Variants in DMD observed in about 807,000 individuals in gnomAD.
The protein encoded by DMD is dystrophin.
A neutral mutation model predicts 330.1 loss-of-function variants in DMD; 63 were observed. The observed-to-expected ratio is 0.19, with a 90% CI of 0.16 to 0.24. The LOEUF (loss-of-function observed/expected upper bound fraction) is 0.24, where lower values mean the gene tolerates loss of function less well. DMD is among the 10% of genes least tolerant of loss of function. The pLI is 1.00. For synonymous variants in DMD, 1,223 were observed against 959.8 expected (o/e 1.27, Z -5.07); for missense variants, 3,344 against 2,684.1 (o/e 1.25, Z -5.43).
chrX:31,721,955 C>T (rs973768163), intron 52 of DMD, among the ~76,000 whole-genome samples: 3 of 108,460 alleles, frequency 2.8e-5, no homozygotes, highest in Non-Finnish European at 5.7e-5. Context: ...TTTTAATCCA[C>T]TTAATTATTC....
At chrX:32,644,928 A>G in intron 10 of DMD, 36 bp downstream of exon 10, 2 of 1,189,555 alleles carry the variant, frequency 1.7e-6, no homozygotes, top group South Asian at 1.8e-5. Flanking sequence ...ATAACAAGTC[A>G]TATGTTTTGT....
At chrX:32,559,696 T>G (rs773152225) in intron 16 of DMD, among the ~76,000 whole-genome samples, 1 of 111,878 alleles carries the variant, frequency 8.9e-6, no homozygotes, top group Non-Finnish European at 1.9e-5. Context: ...TAAAGAAATT[T>G]TCATCTTGGT....
At chrX:32,894,587 G>T (rs191116016) in intron 2 of DMD, among the ~76,000 whole-genome samples, 22 of 112,605 alleles carry the variant, frequency 2.0e-4, no homozygotes, top group African/African-American at 6.1e-4. Flanking sequence ...GCCTCAATCC[G>T]CTGTATGTAT....
chrX:32,805,846 G>A (rs1033977092), intron 7 of DMD, among the ~76,000 whole-genome samples: 6 of 111,742 alleles, frequency 5.4e-5, no homozygotes, highest in South Asian at 7.4e-4. Context: ...CTTCATAAGC[G>A]AAGGAGAAAT....
chrX:31,418,233 T>G (rs1284499899), intron 60 of DMD, among the ~76,000 whole-genome samples: 1 of 110,660 alleles, frequency 9.0e-6, no homozygotes, highest in Non-Finnish European at 1.9e-5. Context: ...AAGGCCTGCT[T>G]TCTTGTTCAT....
chrX:32,627,270 G>A (rs2146545320), intron 11 of DMD, among the ~76,000 whole-genome samples: 1 of 100,066 alleles, frequency 1.0e-5, no homozygotes, highest in South Asian at 4.2e-4. Context: ...ACATGAACCA[G>A]ATGCACAGAG....
At chrX:32,595,349 T>A (rs746645980) in intron 13 of DMD, among the ~76,000 whole-genome samples, 1 of 111,867 alleles carries the variant, frequency 8.9e-6, no homozygotes, top group African/African-American at 3.2e-5. Context: ...TCACCTTGGA[T>A]GAATTATATT....
rs140253535 is a variant in DMD at position 32,368,555 on chromosome X, T to G, written c.4846-3356A>C. On this transcript the variant is annotated intron_variant, in intron 34 of 78. Coordinates refer to ENST00000357033, the MANE Select transcript of DMD (RefSeq NM_004006.3). ...TGATGAGGTTGTTGACGAACCATTT[T>G]CTCTGGCTCTAATAGTTTCCCACAA... 6.3e-3 allele frequency among the ~76,000 whole-genome samples: 705 copies of G among 111,829 alleles called. 8 individuals are homozygous for G. The highest frequency in any genetic ancestry group is 0.022 in the African/African-American group (663 of 30,799).
chrX:31,936,682 T>C (rs1455669038), intron 45 of DMD, among the ~76,000 whole-genome samples: 2 of 111,683 alleles, frequency 1.8e-5, no homozygotes, highest in East Asian at 5.6e-4. Context: ...ATTTCTTTGA[T>C]ATTATGTTCA....
At chrX:31,433,525 C>T (rs1185364909) in intron 60 of DMD, among the ~76,000 whole-genome samples, 1 of 105,800 alleles carries the variant, frequency 9.5e-6, no homozygotes, top group Non-Finnish European at 1.9e-5. Context: ...GGCATGATCT[C>T]GGCTCACTGC....
intron 2 of DMD, among the ~76,000 whole-genome samples, chrX:32,862,012 G>A (rs1241143298): frequency 3.6e-5 from 4 of 111,761 alleles, no homozygotes; most frequent in Non-Finnish European, 5.6e-5. Flanking sequence ...CTGGAACACC[G>A]TCGTCTTCTT....
At chrX:32,310,552 G>C (rs920821574) in intron 41 of DMD, among the ~76,000 whole-genome samples, 4 of 111,368 alleles carry the variant, frequency 3.6e-5, no homozygotes, top group Non-Finnish European at 7.6e-5. Flanking sequence ...GTCATAAGGA[G>C]AGTAGTTTTA....
intron 50 of DMD, among the ~76,000 whole-genome samples, chrX:31,817,167 A>G (rs1224476708): frequency 1.8e-5 from 2 of 112,218 alleles, no homozygotes; most frequent in Admixed American, 9.4e-5. Context: ...TGTTAAAGCT[A>G]CAAGTATATG....
chrX:31,623,249 C>T (rs2078657119), intron 55 of DMD, among the ~76,000 whole-genome samples: 1 of 110,855 alleles, frequency 9.0e-6, no homozygotes, highest in South Asian at 3.8e-4. Flanking sequence ...GAAACTTCTC[C>T]AATTTTATTT....
chrX:32,793,007 T>C (rs912252812), intron 7 of DMD, among the ~76,000 whole-genome samples: 19 of 112,201 alleles, frequency 1.7e-4, no homozygotes, highest in Non-Finnish European at 2.8e-4. Context: ...ACACATTTTT[T>C]TCTCATAAGC....
At chrX:32,978,261 A>G (rs1218440686) in intron 2 of DMD, among the ~76,000 whole-genome samples, 2 of 111,663 alleles carry the variant, frequency 1.8e-5, no homozygotes, top group Non-Finnish European at 3.8e-5. Context: ...CTGTGCTAAG[A>G]GGCAGCCAGG....
chrX:32,825,408 C>T (rs1603441837), intron 4 of DMD, among the ~76,000 whole-genome samples: 1 of 111,311 alleles, frequency 9.0e-6, no homozygotes, highest in African/African-American at 3.3e-5. Context: ...AGGTACTGGG[C>T]TCAGACCTGA....
chrX:32,522,244 T>A (rs1379965840), intron 17 of DMD, among the ~76,000 whole-genome samples: 1 of 111,971 alleles, frequency 8.9e-6, no homozygotes, highest in Non-Finnish European at 1.9e-5. Context: ...AGAACCCAAA[T>A]CTGTGTTGCC....
chrX:32,052,320 C>G (rs1030902686), intron 44 of DMD, among the ~76,000 whole-genome samples: 2 of 110,386 alleles, frequency 1.8e-5, no homozygotes, highest in African/African-American at 6.6e-5. Context: ...ATTCTTGACC[C>G]CAAATGAATC....
Sources: allele counts gnomAD v4.1 joint callset (sites outside exome capture counted in the v4.1 genomes callset), GRCh38; gene constraint gnomAD v4.1.1; transcripts MANE v1.5; gene names NCBI Gene and HGNC (gene_info 2026-07-23, HGNC 2026-07-21).